The following CAPN9 variants were observed in gnomAD, a reference collection of about 807,000 sequenced individuals.
CAPN9 encodes calpain 9, also known as calpain-9.
A neutral mutation model predicts 92.8 loss-of-function variants in CAPN9; 81 were observed. The observed-to-expected ratio is 0.87, with a 90% CI of 0.73 to 1.05. The LOEUF is 1.05. CAPN9 is among the 50% of genes least tolerant of loss of function. The pLI is 0.00. For synonymous variants in CAPN9, 304 were observed against 328.0 expected, an observed-to-expected ratio of 0.93 and a Z score of 0.79; for missense variants, 848 against 866.2, an observed-to-expected ratio of 0.98 and a Z score of 0.26.
intron 6 of CAPN9, among the ~76,000 whole-genome samples, chr1:230,769,991 C>A (rs1285753362): frequency 6.6e-6 from 1 of 151,952 alleles, no homozygotes; most frequent in Non-Finnish European, 1.5e-5. Context: ...ATCGATAAGA[C>A]TTCTGGTCAA....
intron 2 of CAPN9, among the ~76,000 whole-genome samples, chr1:230,755,936 T>C (rs1355431297): frequency 6.6e-6 from 1 of 152,010 alleles, no homozygotes; most frequent in African/African-American, 2.4e-5. Context: ...GGGGAGCCGC[T>C]CCCCAGCAAT....
chr1:230,755,463 A>C, intron 2 of CAPN9, 57 bp downstream of exon 2: 1 of 1,359,496 alleles, frequency 7.4e-7, no homozygotes, highest in Non-Finnish European at 1.0e-6. Context: ...GGGACAGGCA[A>C]GCAACTGCAG....
At chr1:230,755,890 A>C (rs910632406) in intron 2 of CAPN9, among the ~76,000 whole-genome samples, 1 of 152,188 alleles carries the variant, frequency 6.6e-6, no homozygotes, top group Non-Finnish European at 1.5e-5. Context: ...ACACTCCAGC[A>C]GCAGAGCCCT....
At position 230,792,922 on chromosome 1, in the gene CAPN9, G is replaced by T. The variant is rs1355658813; in HGVS notation, c.1864G>T (p.Ala622Ser). 3.7e-6 allele frequency: 6 copies of T among 1,612,898 alleles called. No individual in the cohort carries two copies. The South Asian group carries it at 5.5e-5, about 15-fold the overall frequency. Residue 622 changes from alanine (A) to serine (S), a missense_variant, in exon 17 of 20, where the codon GCT (alanine) becomes TCT (serine). Coordinates refer to ENST00000271971, the MANE Select transcript of CAPN9 (RefSeq NM_006615.3). ...STYELRTALK[A>S]AGFQLSSHLL... is the part of the protein sequence containing the mutation. ...CTATGAACTACGGACTGCACTGAAA[G>T]CTGCAGGTAAAGAAAAGACTGGAGT...
intron 13 of CAPN9, among the ~76,000 whole-genome samples, chr1:230,787,990 G>C (rs2102918461): frequency 6.6e-6 from 1 of 152,094 alleles, no homozygotes; most frequent in East Asian, 1.9e-4. Context: ...TGAGTAGCCG[G>C]GACTATAGGC....
intron 18 of CAPN9, among the ~76,000 whole-genome samples, chr1:230,797,632 G>T (rs886520568): frequency 6.6e-6 from 1 of 152,274 alleles, no homozygotes; most frequent in East Asian, 1.9e-4. Context: ...TGAAGGTGAG[G>T]AGGCTGAGGC....
Position 230,755,482 on chromosome 1 carries a change from C to T in CAPN9, c.283+76C>T, listed in dbSNP as rs769560842. 3.3e-4 allele frequency: 379 copies of T among 1,154,518 alleles called. 4 individuals are homozygous for T. In the South Asian group the frequency reaches 4.1e-3, roughly 13 times the overall value. The allele number at this position is 1,154,518 out of a possible 1,614,324, so 71.5% of individuals were successfully genotyped here. On this transcript the variant is annotated intron_variant, in intron 2 of 19. Transcript: ENST00000271971. ...CAGGCAAGCAACTGCAGCATGGGGT[C>T]CCTGAGGACCCAAGAGGCACGGGGC...
chr1:230,775,699 C>T (rs755961001), intron 8 of CAPN9, among the ~76,000 whole-genome samples: 3 of 152,112 alleles, frequency 2.0e-5, no homozygotes, highest in Non-Finnish European at 2.9e-5. Context: ...GGGTGGATCA[C>T]GAGGTCAGGA....
intron 11 of CAPN9, among the ~76,000 whole-genome samples, chr1:230,784,018 T>G (rs1276058615): frequency 6.6e-6 from 1 of 152,218 alleles, no homozygotes; most frequent in Non-Finnish European, 1.5e-5. Context: ...ATTGTGTCCA[T>G]GCCCTAGGGA....
intron 4 of CAPN9, 56 bp from the exon 5 acceptor site, chr1:230,767,485 C>T: frequency 3.5e-6 from 5 of 1,435,572 alleles, no homozygotes; most frequent in Non-Finnish European, 4.7e-6. Context: ...AGCAGGGTGC[C>T]CCAGTGGCCT....
chr1:230,799,989 T>C (rs1668572878), intron 19 of CAPN9, among the ~76,000 whole-genome samples: 1 of 151,642 alleles, frequency 6.6e-6, no homozygotes, highest in South Asian at 2.1e-4. Context: ...CCATCCTGGC[T>C]AACACGGTGA....
chr1:230,768,366 C>G (rs540521639), intron 5 of CAPN9, among the ~76,000 whole-genome samples: 1 of 152,138 alleles, frequency 6.6e-6, no homozygotes, highest in Non-Finnish European at 1.5e-5. Flanking sequence ...CCCTCCCACC[C>G]GTTTCTCAGC....
At position 230,768,829 on chromosome 1, in the gene CAPN9, T is replaced by A. The variant is rs552744084; in HGVS notation, c.706-351T>A. Among the ~76,000 whole-genome samples, 3 of 152,324 alleles carry A rather than the reference T, an allele frequency of 2.0e-5. No individual in the cohort carries two copies. In the South Asian group the frequency reaches 6.2e-4, roughly 32 times the overall value. ...TTGTGACGCAGAGCTGTGTGTCCTG[T>A]TGTTATATTCTTCTTTTCGTCTCTG... is the stretch of plus-strand genomic sequence containing the variant. On this transcript the variant is annotated intron_variant, in intron 5 of 19. Transcript: ENST00000271971.
intron 13 of CAPN9, among the ~76,000 whole-genome samples, chr1:230,788,008 A>T (rs965206471): frequency 1.3e-5 from 2 of 152,144 alleles, no homozygotes; most frequent in Non-Finnish European, 2.9e-5. Flanking sequence ...GGCACATGCC[A>T]TCATGCTTAG....
In CAPN9 at chr1:230,776,030, A is replaced by G. The variant is rs373523888; in HGVS notation, c.953+1399A>G. 2.0e-5 allele frequency: 3 copies of G among 151,798 alleles called. No individual in the cohort carries two copies. The East Asian group carries it at 5.8e-4, about 29-fold the overall frequency. 9.4% of individuals were successfully genotyped at this position (151,798 alleles called of 1,614,324 possible). A position where few individuals can be genotyped will look rare whatever the true frequency, so the allele number is the denominator to read the frequency against. On this transcript the variant is annotated intron_variant, in intron 8 of 19. Coordinates refer to ENST00000271971, the MANE Select transcript of CAPN9 (RefSeq NM_006615.3). ...GATTTGTTCTGCCTTCTGTATTTTTATAGTTGTCTTAGTCTATTTGGGTGG... is the reference window on the plus strand; with the variant it reads ...GATTTGTTCTGCCTTCTGTATTTTTGTAGTTGTCTTAGTCTATTTGGGTGG...
chr1:230,774,406 A>G lies in CAPN9; in HGVS notation c.876-148A>G, dbSNP rs1666599908. ...GGGGGCCAGTGGCTCACCTGCCGCT[A>G]CATCCCTGGGTGCATTTTTGGGACC... On this transcript the variant is annotated intron_variant, in intron 7 of 19. Transcript: ENST00000271971. 7.8e-6 allele frequency: 5 copies of G among 640,612 alleles called. No individual in the cohort carries two copies. In the South Asian group the frequency reaches 9.4e-5, roughly 12 times the overall value. 39.7% of individuals were successfully genotyped at this position (640,612 alleles called of 1,614,324 possible).
intron 3 of CAPN9, among the ~76,000 whole-genome samples, chr1:230,761,729 G>A (rs1317166182): frequency 2.0e-5 from 3 of 151,988 alleles, no homozygotes; most frequent in Non-Finnish European, 4.4e-5. Context: ...TACTCTTAGA[G>A]GTTACCTTAG....
intron 4 of CAPN9, 102 bp downstream of exon 4, chr1:230,762,888 G>A: frequency 7.8e-7 from 1 of 1,284,678 alleles, no homozygotes; most frequent in Non-Finnish European, 1.0e-6. Flanking sequence ...AGGGCTCTGG[G>A]TTTGCAGGTG....
intron 11 of CAPN9, 68 bp downstream of exon 11, chr1:230,780,776 G>C: frequency 7.9e-7 from 1 of 1,270,366 alleles, no homozygotes; most frequent in Non-Finnish European, 1.1e-6. Flanking sequence ...AAGTCACCTG[G>C]GAACTGCTGG....
Sources: gnomAD v4.1 joint callset for allele counts (sites outside exome capture counted in the v4.1 genomes callset) on GRCh38, gnomAD v4.1.1 for gene constraint, MANE v1.5 for transcripts, NCBI Gene and HGNC (gene_info 2026-07-23, HGNC 2026-07-21) for gene names.